The following STMN3 variants were observed in gnomAD, a reference collection of about 807,000 sequenced individuals.
STMN3 encodes stathmin 3, also known as stathmin-3.
A neutral mutation model predicts 23.2 loss-of-function variants in STMN3; 24 were observed. The observed-to-expected ratio is 1.03, with a 90% confidence interval of 0.75 to 1.45. The LOEUF (loss-of-function observed/expected upper bound fraction) is 1.45. STMN3 is among the 40% of genes most tolerant of loss of function. The pLI is 0.00. For missense variants in STMN3, 235 were observed against 237.6 expected, an observed-to-expected ratio of 0.99 and a Z score of 0.07; for synonymous variants, 117 against 103.4, an observed-to-expected ratio of 1.13 and a Z score of -0.80.
In STMN3 at chr20:63,647,948, GTATATATA is replaced by G. The variant is rs761022872; in HGVS notation, c.20-3647_20-3640del. On this transcript the variant is annotated intron_variant, in intron 1 of 4. Transcript: ENST00000370053. ...TATATACGTATATATGTGTGTGTGT[GTATATATA>G]TATGTATATATATATATATATATAC... Among the ~76,000 whole-genome samples the G allele has an allele frequency of 1.9e-3, 124 of 63,814 alleles. 11 individuals are homozygous for G. The highest frequency in any genetic ancestry group is 4.8e-3 in the African/African-American group (82 of 16,952). The allele number at this position is 63,814 out of a possible 152,430, so 41.9% of individuals were successfully genotyped here.
In STMN3 at chr20:63,647,765, C is replaced by CAT. The variant is rs1555897486; in HGVS notation, c.20-3458_20-3457dup. Among the ~76,000 whole-genome samples the CAT allele has an allele frequency of 2.9e-3, 324 of 112,924 alleles. 6 individuals carry two copies. The highest frequency in any genetic ancestry group is 9.4e-3 in the African/African-American group (286 of 30,366). 74.1% of individuals were successfully genotyped at this position (112,924 alleles called of 152,430 possible). ...CACGTGTATATATATAATATATATA[C>CAT]ATATATACACGTGTATATATATAAT... is the stretch of plus-strand genomic sequence containing the variant. On this transcript the variant is annotated intron_variant, in intron 1 of 4. Transcript: ENST00000370053.
chr20:63,647,819 A>T (rs1172791109), intron 1 of STMN3, among the ~76,000 whole-genome samples: 2 of 128,738 alleles, frequency 1.6e-5, no homozygotes, highest in African/African-American at 5.5e-5. Context: ...ACGTGTATAT[A>T]TAATATATAT....
At chr20:63,651,786 G>A (rs887392664) in intron 1 of STMN3, among the ~76,000 whole-genome samples, 27 of 152,224 alleles carry the variant, frequency 1.8e-4, no homozygotes, top group Non-Finnish European at 4.4e-5. Context: ...ACAGCTGGAG[G>A]AGGTCAGACT....
At position 63,641,541 on chromosome 20, in the gene STMN3, G is replaced by T. The variant is rs879517040; in HGVS notation, c.484-144C>A. 2.0e-4 allele frequency: 128 copies of T among 644,426 alleles called. 1 individual carries two copies. The highest frequency in any genetic ancestry group is 1.6e-3 in the South Asian group (84 of 52,826). The allele number at this position is 644,426 out of a possible 1,614,324, so 39.9% of individuals were successfully genotyped here. On this transcript the variant is annotated intron_variant, in intron 4 of 4. Transcript: ENST00000370053. ...TCGGCAGGACCCTGACTGAGTTGAGGGGGCGGGAGCACCGGGGAGGCGCAG... is the reference window on the plus strand; with the variant it reads ...TCGGCAGGACCCTGACTGAGTTGAGTGGGCGGGAGCACCGGGGAGGCGCAG...
chr20:63,648,135 T>G lies in STMN3; in HGVS notation c.20-3826A>C, dbSNP rs73920912. Among the ~76,000 whole-genome samples the G allele has an allele frequency of 8.0e-3, 1,210 of 150,978 alleles. 16 individuals carry two copies. The highest frequency in any genetic ancestry group is 0.028 in the African/African-American group (1,169 of 41,062). On this transcript the variant is annotated intron_variant, in intron 1 of 4. Transcript: ENST00000370053. Reference sequence around the variant, plus strand: ...CCACAGTACCTAGCCTATTAAAAATTAATGTTAAACAAGAGGATGTGATGA... The same window carrying G: ...CCACAGTACCTAGCCTATTAAAAATGAATGTTAAACAAGAGGATGTGATGA...
At position 63,652,570 on chromosome 20, in the gene STMN3, T is replaced by C. The variant is rs1038156830; in HGVS notation, c.19+757A>G. The C allele has an allele frequency of 5.1e-6, 5 of 984,832 alleles. No individual in the cohort carries two copies. Among genetic ancestry groups the C allele is most frequent in the Non-Finnish European group, 3.6e-6 (3 of 829,682 alleles). The allele number at this position is 984,832 out of a possible 1,614,324, so 61.0% of individuals were successfully genotyped here. A position where few individuals can be genotyped will look rare whatever the true frequency, so the allele number is the denominator to read the frequency against. Reference sequence around the variant, plus strand: ...CGGGCCGGGAGGCCGGGGTGGGCGCTACCTTCGAAGGCGGTGGGTCCGCCC... The same window carrying C: ...CGGGCCGGGAGGCCGGGGTGGGCGCCACCTTCGAAGGCGGTGGGTCCGCCC... On this transcript the variant is annotated intron_variant, in intron 1 of 4. Transcript: ENST00000370053. This position sits in a 1 kb window ranked among gnomAD's most constrained non-coding sequence, Gnocchi z 5.3.
chr20:63,650,380 T>G (rs918574785), intron 1 of STMN3, among the ~76,000 whole-genome samples: 4 of 152,120 alleles, frequency 2.6e-5, no homozygotes, highest in African/African-American at 9.7e-5. Flanking sequence ...GGCACCAGGT[T>G]GGCCTCAAGC....
At chr20:63,650,290 G>A (rs2089847626) in intron 1 of STMN3, among the ~76,000 whole-genome samples, 1 of 151,972 alleles carries the variant, frequency 6.6e-6, no homozygotes. Context: ...TTGTCTCCCT[G>A]CTTCTCTTTG....
chr20:63,651,747 G>A (rs1367322533), intron 1 of STMN3, among the ~76,000 whole-genome samples: 6 of 152,340 alleles, frequency 3.9e-5, no homozygotes, highest in African/African-American at 1.4e-4. Context: ...CCCAGGTCCT[G>A]AGAGGTTAGG....
intron 1 of STMN3, among the ~76,000 whole-genome samples, chr20:63,647,944 G>A (rs1412642036): frequency 1.2e-5 from 1 of 85,440 alleles, no homozygotes; most frequent in African/African-American, 4.8e-5. Flanking sequence ...ATATGTGTGT[G>A]TGTGTATATA....
chr20:63,650,281 T>C (rs1268357332), intron 1 of STMN3, among the ~76,000 whole-genome samples: 1 of 152,224 alleles, frequency 6.6e-6, no homozygotes, highest in African/African-American at 2.4e-5. Flanking sequence ...GGGCTTGTTT[T>C]GTCTCCCTGC....
rs1257544393 is a variant in STMN3, at chr20:63,641,088, C to A, written c.*250G>T. 1 of 574,360 alleles carries A rather than the reference C, an allele frequency of 1.7e-6. No individual in the cohort carries two copies. The highest frequency in any genetic ancestry group is 3.2e-6 in the Non-Finnish European group (1 of 316,768). 35.6% of individuals were successfully genotyped at this position (574,360 alleles called of 1,614,324 possible). ...CTCTCTCACAGGGCCCCCGGGGGAC[C>A]CAGCCGCGCCCGGCCTGGTGTCTGC... On this transcript the variant is annotated 3_prime_UTR_variant, in exon 5 of 5. Transcript: ENST00000370053.
At chr20:63,642,384 G>T in intron 3 of STMN3, 85 bp from the exon 4 acceptor site, 1 of 1,054,810 alleles carries the variant, frequency 9.5e-7, no homozygotes, top group Non-Finnish European at 1.2e-6. Context: ...CTCCCGCCCA[G>T]CGCCCGCTCG....
chr20:63,647,960 G>GTATATA lies in STMN3; in HGVS notation c.20-3657_20-3652dup, dbSNP rs1242712476. Among the ~76,000 whole-genome samples the GTATATA allele has an allele frequency of 2.0e-3, 105 of 53,344 alleles. 1 individual carries two copies. Among genetic ancestry groups the GTATATA allele is most frequent in the African/African-American group, 0.01 (100 of 9,772 alleles). 35.0% of individuals were successfully genotyped at this position (53,344 alleles called of 152,430 possible). A position where few individuals can be genotyped will look rare whatever the true frequency, so the allele number is the denominator to read the frequency against. On this transcript the variant is annotated intron_variant, in intron 1 of 4. Transcript: ENST00000370053. ...TATGTGTGTGTGTGTATATATATAT[G>GTATATA]TATATATATATATATATATACATAT...
At chr20:63,653,303 A>G in intron 1 of STMN3, 24 bp downstream of exon 1, 2 of 1,544,394 alleles carry the variant, frequency 1.3e-6, no homozygotes, top group Non-Finnish European at 1.7e-6. Flanking sequence ...GCCGCCCCAC[A>G]AAGCCCGTGG....
At chr20:63,646,589 G>A (rs886557293) in intron 1 of STMN3, among the ~76,000 whole-genome samples, 19 of 151,648 alleles carry the variant, frequency 1.3e-4, no homozygotes, top group Non-Finnish European at 2.1e-4. Context: ...TCCTGACCTC[G>A]TGATCCGCCC....
Position 63,640,661 on chromosome 20 carries a change from G to C in STMN3, c.*677C>G, listed in dbSNP as rs1196398440. The C allele has an allele frequency of 6.2e-6, 1 of 162,338 alleles. No homozygotes were observed. Among genetic ancestry groups the C allele is most frequent in the Non-Finnish European group, 1.4e-5 (1 of 73,882 alleles). 10.1% of individuals were successfully genotyped at this position (162,338 alleles called of 1,614,324 possible). On this transcript the variant is annotated 3_prime_UTR_variant, in exon 5 of 5. Coordinates refer to ENST00000370053, the MANE Select transcript of STMN3 (RefSeq NM_015894.4). ...CTCTAGACCATGCAGCCTGCTCATG[G>C]GTCCCTGGCAGAGAATGCCCACTCC...
At chr20:63,644,179 C>T in intron 2 of STMN3, 35 bp downstream of exon 2, 3 of 1,580,956 alleles carry the variant, frequency 1.9e-6, no homozygotes, top group Non-Finnish European at 2.6e-6. Flanking sequence ...TGGGCAGGCA[C>T]CGCAGGGAAG....
intron 1 of STMN3, 98 bp downstream of exon 1, chr20:63,653,229 A>G (rs2089874570): frequency 1.4e-6 from 2 of 1,445,844 alleles, no homozygotes; most frequent in Non-Finnish European, 1.9e-6. Context: ...AGGAGAAGGG[A>G]AATTGGCGTC....
Sources: allele counts gnomAD v4.1 joint callset (sites outside exome capture counted in the v4.1 genomes callset), GRCh38; gene constraint gnomAD v4.1.1; non-coding constraint Gnocchi (gnomAD v3.1); transcripts MANE v1.5; gene names NCBI Gene and HGNC (gene_info 2026-07-23, HGNC 2026-07-21).